CERS3: variants seen among roughly 807,000 people sequenced by gnomAD.
The protein encoded by CERS3 is ceramide synthase 3.
A neutral mutation model predicts 50.3 loss-of-function variants in CERS3; 33 were observed. The observed-to-expected ratio is 0.66, with a 90% CI of 0.50 to 0.88. CERS3 has a LOEUF of 0.88. CERS3 is among the 40% of genes least tolerant of loss of function. CERS3 has a pLI of 0.00. For missense variants in CERS3, 470 were observed against 460.3 expected (o/e 1.02, Z -0.19); for synonymous variants, 176 against 155.2 (o/e 1.13, Z -0.99).
intron 10 of CERS3, among the ~76,000 whole-genome samples, chr15:100,462,671 T>C (rs1360807244): frequency 6.6e-6 from 1 of 152,212 alleles, no homozygotes; most frequent in Non-Finnish European, 1.5e-5. Flanking sequence ...CATAACCAGC[T>C]ATGTGATCCT....
intron 11 of CERS3, among the ~76,000 whole-genome samples, chr15:100,446,057 A>C (rs1378177099): frequency 1.3e-5 from 2 of 150,778 alleles, no homozygotes; most frequent in Admixed American, 6.6e-5. Flanking sequence ...TCCTTTACCT[A>C]CCCAAATCCT....
chr15:100,511,675 TGG>T (rs2036347219), intron 2 of CERS3, among the ~76,000 whole-genome samples: 1 of 18,326 alleles, frequency 5.5e-5, no homozygotes, highest in African/African-American at 1.1e-4. Context: ...TTACATGCCC[TGG>T]AGAGGAGCAT....
At chr15:100,417,068 T>C (rs990246383) in intron 11 of CERS3, among the ~76,000 whole-genome samples, 4 of 151,456 alleles carry the variant, frequency 2.6e-5, no homozygotes, top group African/African-American at 9.7e-5. Flanking sequence ...AAAAAGAAAA[T>C]AGTGGAGGAG....
chr15:100,436,877 C>T (rs1403895814), intron 11 of CERS3, among the ~76,000 whole-genome samples: 2 of 151,556 alleles, frequency 1.3e-5, no homozygotes, highest in Non-Finnish European at 2.9e-5. Context: ...CAGAGAGAGA[C>T]ACTGCAACAT....
intron 11 of CERS3, among the ~76,000 whole-genome samples, chr15:100,428,546 A>C (rs8043210): frequency 0.044 from 6,776 of 152,288 alleles, 273 homozygotes; most frequent in African/African-American, 0.099. Context: ...AGTTATCTGT[A>C]TCATACTAGT....
chr15:100,489,146 T>C (rs2035577243), intron 4 of CERS3, among the ~76,000 whole-genome samples: 1 of 152,194 alleles, frequency 6.6e-6, no homozygotes, highest in South Asian at 2.1e-4. Context: ...GTAATGTCAG[T>C]TGAGTTAGAA....
intron 7 of CERS3, 136 bp from the exon 8 acceptor site, chr15:100,476,314 A>G: frequency 2.1e-6 from 1 of 472,502 alleles, no homozygotes; most frequent in Non-Finnish European, 3.8e-6. Context: ...ATTTCAATTT[A>G]TATTTCAACG....
Position 100,476,074 on chromosome 15 carries a change from TA to T in CERS3, c.609+11del. On this transcript the variant is annotated intron_variant, in intron 8 of 11. Coordinates refer to ENST00000679737, the MANE Select transcript of CERS3 (RefSeq NM_001378789.1). ...GAAATTGATAAAGAAGCTTTGTAAA[TA>T]AGACACTTACCTTTCTCTTGACATC... 1 of 1,523,292 alleles carries T rather than the reference TA, an allele frequency of 6.6e-7. No individual in the cohort carries two copies. The highest frequency in any genetic ancestry group is 2.3e-5 in the Admixed American group (1 of 42,632). The allele number at this position is 1,523,292 out of a possible 1,614,324, so 94.4% of individuals were successfully genotyped here. A position where few individuals can be genotyped will look rare whatever the true frequency, so the allele number is the denominator to read the frequency against.
At position 100,489,481 on chromosome 15, in the gene CERS3, A is replaced by G. The variant is rs1310831998; in HGVS notation, c.288+1336T>C. Among the ~76,000 whole-genome samples the G allele has an allele frequency of 8.5e-5, 13 of 152,346 alleles. No homozygotes were observed. In the East Asian group the frequency reaches 2.5e-3, roughly 29 times the overall value. On this transcript the variant is annotated intron_variant, in intron 4 of 11. Transcript: ENST00000679737. ...TTTCTAGATAATTTTAAATATTCTG[A>G]AAAGCTGACTAGAAGCTCTTAGCAA...
rs374532379 is a variant in CERS3, at chr15:100,423,818, C to A, written c.1000-20953G>T. Among the ~76,000 whole-genome samples, 19 of 152,320 alleles carry A rather than the reference C, an allele frequency of 1.2e-4. No homozygotes were observed. The East Asian group carries it at 1.7e-3, about 14-fold the overall frequency. ...ATGTAAGATGTGCCTGCTTCCTCTTCACCTTCCACCATGATTGAAAGTTTC... is the reference window on the plus strand; with the variant it reads ...ATGTAAGATGTGCCTGCTTCCTCTTAACCTTCCACCATGATTGAAAGTTTC... On this transcript the variant is annotated intron_variant, in intron 11 of 11. Transcript: ENST00000679737.
intron 4 of CERS3, among the ~76,000 whole-genome samples, chr15:100,488,984 C>T (rs578201245): frequency 6.6e-6 from 1 of 152,222 alleles, no homozygotes; most frequent in South Asian, 2.1e-4. Flanking sequence ...ACCATGTTGG[C>T]CAGGATGGTC....
intron 10 of CERS3, among the ~76,000 whole-genome samples, chr15:100,464,179 G>T (rs2034639550): frequency 6.6e-6 from 1 of 152,160 alleles, no homozygotes; most frequent in African/African-American, 2.4e-5. Context: ...ACAAGCATAT[G>T]TATCCTTGGA....
rs563649776 is a variant in CERS3, at chr15:100,441,796, T to C, written c.999+14097A>G. On this transcript the variant is annotated intron_variant, in intron 11 of 11. Coordinates refer to ENST00000679737, the MANE Select transcript of CERS3 (RefSeq NM_001378789.1). ...TGACGTCCAGGCATTCTTTTACACA[T>C]CAGTCCCCCCCAGTCTGTGTTCCCA... Among the ~76,000 whole-genome samples the C allele has an allele frequency of 3.4e-3, 418 of 123,714 alleles. 1 individual carries two copies. Among genetic ancestry groups the C allele is most frequent in the African/African-American group, 0.011 (397 of 35,372 alleles). The allele number at this position is 123,714 out of a possible 152,430, so 81.2% of individuals were successfully genotyped here. A position where few individuals can be genotyped will look rare whatever the true frequency, so the allele number is the denominator to read the frequency against.
At chr15:100,457,932 C>T (rs1398599525) in intron 10 of CERS3, among the ~76,000 whole-genome samples, 3 of 152,128 alleles carry the variant, frequency 2.0e-5, no homozygotes, top group African/African-American at 7.2e-5. Flanking sequence ...ATTTAGACAA[C>T]TTGATGTATA....
At position 100,501,738 on chromosome 15, in the gene CERS3, GAGA is replaced by G. The variant is rs752300553; in HGVS notation, c.109_111del (p.Ser37del). On this transcript the variant is annotated inframe_deletion, in exon 3 of 12. Transcript: ENST00000679737. ...GCATATGGAATTGTCACGTATAAAT[GAGA>G]AGGTTTTACAAAGACGAGTCCATCG... is the stretch of plus-strand genomic sequence containing the variant. 2 of 1,614,022 alleles carry G rather than the reference GAGA, an allele frequency of 1.2e-6. No homozygotes were observed. The highest frequency in any genetic ancestry group is 1.7e-6 in the Non-Finnish European group (2 of 1,179,856).
intron 11 of CERS3, among the ~76,000 whole-genome samples, chr15:100,407,350 G>A (rs538041178): frequency 1.3e-5 from 2 of 152,178 alleles, no homozygotes; most frequent in Non-Finnish European, 2.9e-5. Flanking sequence ...AGGGCCTGTT[G>A]GAACTTTATA....
intron 2 of CERS3, among the ~76,000 whole-genome samples, chr15:100,516,753 C>T (rs1300192710): frequency 6.6e-6 from 1 of 152,154 alleles, no homozygotes; most frequent in African/African-American, 2.4e-5. Flanking sequence ...GGAAAGCCCA[C>T]ATAATGGGTA....
chr15:100,449,023 G>T (rs945642147), intron 11 of CERS3, among the ~76,000 whole-genome samples: 4 of 152,166 alleles, frequency 2.6e-5, no homozygotes. Context: ...AGGGCACCCT[G>T]CCCCTGCCTA....
intron 11 of CERS3, among the ~76,000 whole-genome samples, chr15:100,444,649 C>T (rs976486462): frequency 1.3e-5 from 2 of 152,182 alleles, no homozygotes; most frequent in Non-Finnish European, 2.9e-5. Context: ...TTCTACTGCT[C>T]CTCAGGGATT....
Sources: gnomAD v4.1 joint callset for allele counts (sites outside exome capture counted in the v4.1 genomes callset) on GRCh38, gnomAD v4.1.1 for gene constraint, MANE v1.5 for transcripts, NCBI Gene and HGNC (gene_info 2026-07-23, HGNC 2026-07-21) for gene names.